Variants in FLNB observed in about 807,000 individuals in gnomAD.
The protein encoded by FLNB is filamin B.
Under a neutral mutation model 250.6 loss-of-function variants are expected in FLNB, and 111 were observed. That is an observed-to-expected ratio of 0.44 (90% CI 0.38 to 0.52). FLNB has a LOEUF of 0.52. FLNB is among the 20% of genes least tolerant of loss of function. The pLI, the probability that FLNB is intolerant of heterozygous loss-of-function variation, is 0.00. For missense variants in FLNB, 2,869 were observed against 3,447.8 expected, an observed-to-expected ratio of 0.83 and a Z score of 4.20; for synonymous variants, 1,302 against 1,372.1, an observed-to-expected ratio of 0.95 and a Z score of 1.13.
At chr3:58,111,951 G>A (rs1392757461) in intron 17 of FLNB, 70 bp downstream of exon 17, 18 of 1,347,256 alleles carry the variant, frequency 1.3e-5, no homozygotes, top group Middle Eastern at 2.0e-4. Flanking sequence ...TTTCATCCAC[G>A]GCCTTGAGGA....
In FLNB at chr3:58,132,791, C is replaced by T; in HGVS notation, c.4391-17C>T. ...TGAGGCCAGGCAGCTCCTTAAACCT[C>T]TCATCTCTGTCCTCAGGCTTGGTGG... On this transcript the variant is annotated splice_polypyrimidine_tract_variant and intron_variant, in intron 25 of 45. Coordinates refer to ENST00000295956, the MANE Select transcript of FLNB (RefSeq NM_001457.4). 5.6e-6 allele frequency: 9 copies of T among 1,614,116 alleles called. No homozygotes were observed. Among genetic ancestry groups the T allele is most frequent in the Non-Finnish European group, 7.6e-6 (9 of 1,180,024 alleles).
rs764190111 is a variant in FLNB, at chr3:58,031,543, CTTTTTTTTTTTT to C, written c.292+22701_292+22712del. On this transcript the variant is annotated intron_variant, in intron 1 of 45. Transcript: ENST00000295956. ...ACAGACGTGAGCCACCGTGCCCTGC[CTTTTTTTTTTTT>C]TTTTTTTTTTTTTAAAGGCAGAGTC... Among the ~76,000 whole-genome samples the C allele has an allele frequency of 6.5e-5, 5 of 77,144 alleles. No homozygotes were observed. In the Admixed American group the frequency reaches 1.0e-3, roughly 15 times the overall value. 50.6% of individuals were successfully genotyped at this position (77,144 alleles called of 152,430 possible). A position where few individuals can be genotyped will look rare whatever the true frequency, so the allele number is the denominator to read the frequency against.
intron 3 of FLNB, among the ~76,000 whole-genome samples, chr3:58,080,043 C>G (rs1259666345): frequency 6.6e-6 from 1 of 152,156 alleles, no homozygotes; most frequent in African/African-American, 2.4e-5. Flanking sequence ...AAACCTAAAC[C>G]GTCTCCTTTT....
At chr3:58,038,716 CTG>C (rs1335591335) in intron 1 of FLNB, among the ~76,000 whole-genome samples, 1 of 152,096 alleles carries the variant, frequency 6.6e-6, no homozygotes, top group Non-Finnish European at 1.5e-5. Flanking sequence ...GAGCGAGCCA[CTG>C]TGCCTGGCCG....
At position 58,116,250 on chromosome 3, in the gene FLNB, A is replaced by C. The variant is rs61199170; in HGVS notation, c.2746-2622A>C. On this transcript the variant is annotated intron_variant, in intron 18 of 45. Coordinates refer to ENST00000295956, the MANE Select transcript of FLNB (RefSeq NM_001457.4). ...TTAAGAGACCTGGGTCAGCCCAGAA[A>C]GCCACCCCCTGACACGGGGGAGGGA... 2.8e-3 allele frequency among the ~76,000 whole-genome samples: 431 copies of C among 152,326 alleles called. 13 individuals are homozygous for C. In the East Asian group the frequency reaches 0.061, roughly 21 times the overall value.
intron 1 of FLNB, among the ~76,000 whole-genome samples, chr3:58,063,465 C>T (rs1386449615): frequency 6.6e-6 from 1 of 152,090 alleles, no homozygotes; most frequent in Non-Finnish European, 1.5e-5. Flanking sequence ...AAAGTTGAGC[C>T]GTCAGCTGAG....
chr3:58,045,380 G>C (rs1435726820), intron 1 of FLNB, among the ~76,000 whole-genome samples: 2 of 152,194 alleles, frequency 1.3e-5, no homozygotes, highest in East Asian at 3.8e-4. Context: ...CCAACCCACA[G>C]ACTGCAGGCT....
At chr3:58,076,735 AC>A (rs2097202224) in intron 1 of FLNB, among the ~76,000 whole-genome samples, 1 of 151,944 alleles carries the variant, frequency 6.6e-6, no homozygotes, top group South Asian at 2.1e-4. Context: ...TGCTGGGGTT[AC>A]AGGAGTGTGC....
intron 1 of FLNB, among the ~76,000 whole-genome samples, chr3:58,016,819 A>C (rs2097106445): frequency 6.6e-6 from 1 of 152,238 alleles, no homozygotes; most frequent in South Asian, 2.1e-4. Context: ...TAATGAAAAT[A>C]TTCAATGGAA....
At chr3:58,018,399 A>G (rs2097108949) in intron 1 of FLNB, among the ~76,000 whole-genome samples, 1 of 136,276 alleles carries the variant, frequency 7.3e-6, no homozygotes, top group South Asian at 2.2e-4. Context: ...TAGTGGTGCA[A>G]TCTTGGCTCA....
At chr3:58,138,031 A>G (rs1424075584) in intron 28 of FLNB, among the ~76,000 whole-genome samples, 1 of 152,214 alleles carries the variant, frequency 6.6e-6, no homozygotes, top group Non-Finnish European at 1.5e-5. Context: ...CATACCTTTA[A>G]ATGCTGGCAA....
At chr3:58,117,969 T>C (rs1287563650) in intron 18 of FLNB, among the ~76,000 whole-genome samples, 1 of 152,140 alleles carries the variant, frequency 6.6e-6, no homozygotes, top group South Asian at 2.1e-4. Flanking sequence ...CCTCACACTT[T>C]CCTGTTACAT....
chr3:58,060,769 C>CAAAAAAAAAAAAAAAAAAAA (rs71091334), intron 1 of FLNB, among the ~76,000 whole-genome samples: 7 of 64,208 alleles, frequency 1.1e-4, no homozygotes, highest in East Asian at 4.8e-4. Context: ...GACCTTGTCT[C>CAAAAAAAAAAAAAAAAAAAA]AAAAAAAAAA....
chr3:58,112,019 C>A, intron 17 of FLNB, 130 bp from the exon 18 acceptor site: 1 of 1,155,772 alleles, frequency 8.7e-7, no homozygotes, highest in Non-Finnish European at 1.3e-6. Context: ...AGCTCTGATG[C>A]AGCAGTGGCT....
At chr3:58,111,678 G>A (rs1664830177) in intron 16 of FLNB, 113 bp from the exon 17 acceptor site, 4 of 778,884 alleles carry the variant, frequency 5.1e-6, no homozygotes, top group Non-Finnish European at 9.1e-6. Flanking sequence ...ATAGAAGTCT[G>A]CTCACCACTC....
At chr3:58,163,801 A>C in intron 43 of FLNB, 1 of 164,970 alleles carries the variant, frequency 6.1e-6, no homozygotes, top group Non-Finnish European at 1.3e-5. Context: ...TTACTCTCAG[A>C]TCTTAATGGA....
chr3:58,018,010 T>C (rs1221123584), intron 1 of FLNB, among the ~76,000 whole-genome samples: 1 of 152,170 alleles, frequency 6.6e-6, no homozygotes, highest in Non-Finnish European at 1.5e-5. Context: ...ATTCTTTGGC[T>C]CTTCTTGGTA....
chr3:58,110,500 G>C (rs1164456053), intron 16 of FLNB, among the ~76,000 whole-genome samples: 2 of 151,406 alleles, frequency 1.3e-5, no homozygotes, highest in African/African-American at 2.4e-5. Context: ...GCCCAAGCTG[G>C]AGTGCAATGG....
At chr3:58,167,374 G>A (rs879443604) in intron 43 of FLNB, among the ~76,000 whole-genome samples, 3 of 152,226 alleles carry the variant, frequency 2.0e-5, no homozygotes, top group East Asian at 1.9e-4. Flanking sequence ...GTGTTTGAGA[G>A]TTGCACGATA....
Sources: gnomAD v4.1 joint callset for allele counts (sites outside exome capture counted in the v4.1 genomes callset) on GRCh38, gnomAD v4.1.1 for gene constraint, MANE v1.5 for transcripts, NCBI Gene and HGNC (gene_info 2026-07-23, HGNC 2026-07-21) for gene names.